OSBPL3: variants seen among roughly 807,000 people sequenced by gnomAD.
OSBPL3 encodes the protein oxysterol-binding protein-related protein 3.
In OSBPL3, 65 loss-of-function variants were observed where a neutral mutation model predicts 120.1. That is an observed-to-expected ratio of 0.54 (90% CI 0.44 to 0.67). OSBPL3 has a LOEUF of 0.67. OSBPL3 is among the 30% of genes least tolerant of loss of function. The pLI is 0.00. For synonymous variants in OSBPL3, 416 were observed against 402.6 expected, an observed-to-expected ratio of 1.03 and a Z score of -0.40; for missense variants, 1,004 against 1,082.1, an observed-to-expected ratio of 0.93 and a Z score of 1.01.
rs74501724 is a variant in OSBPL3, at chr7:24,832,983, C to T, written c.1746+1503G>A. On this transcript the variant is annotated intron_variant, in intron 15 of 22. Transcript: ENST00000313367. ...AATATCCTAAGGGTCTCTAAATTGCCACAGCATGAAACATCTTTAAGAAAC... is the reference window on the plus strand; with the variant it reads ...AATATCCTAAGGGTCTCTAAATTGCTACAGCATGAAACATCTTTAAGAAAC... Among the ~76,000 whole-genome samples, 672 of 152,288 alleles carry T rather than the reference C, an allele frequency of 4.4e-3. 4 individuals are homozygous for T. Among genetic ancestry groups the T allele is most frequent in the Non-Finnish European group, 7.6e-3 (517 of 68,024 alleles).
chr7:24,941,137 G>A (rs1813060600), intron 1 of OSBPL3, among the ~76,000 whole-genome samples: 1 of 152,116 alleles, frequency 6.6e-6, no homozygotes, highest in South Asian at 2.1e-4. Flanking sequence ...TTTCTTTTAA[G>A]GAGAATTCTA....
intron 10 of OSBPL3, 118 bp downstream of exon 10, chr7:24,861,494 TA>T: frequency 1.6e-6 from 1 of 626,474 alleles, no homozygotes; most frequent in Non-Finnish European, 2.6e-6. Context: ...TAGGTTTCCC[TA>T]AATCTTAATA....
chr7:24,914,157 T>C (rs1200333194), intron 1 of OSBPL3, among the ~76,000 whole-genome samples: 1 of 151,656 alleles, frequency 6.6e-6, no homozygotes, highest in Non-Finnish European at 1.5e-5. Context: ...TGATTGAAAG[T>C]AGAGGTAACA....
rs554000259 is a variant in OSBPL3 at position 24,890,640 on chromosome 7, T to A, written c.96+1737A>T. ...AACTAACTTCAGGCTGAAGTTAAAA[T>A]AAACTTAATAAATTCTCCACCTTCT... is the stretch of plus-strand genomic sequence containing the variant. On this transcript the variant is annotated intron_variant, in intron 2 of 22. Transcript: ENST00000313367. Among the ~76,000 whole-genome samples, 4 of 152,312 alleles carry A rather than the reference T, an allele frequency of 2.6e-5. No homozygotes were observed. The East Asian group carries it at 7.7e-4, about 29-fold the overall frequency.
At position 24,831,967 on chromosome 7, in the gene OSBPL3, C is replaced by T. The variant is rs1277412235; in HGVS notation, c.1747-1062G>A. Reference sequence around the variant, plus strand: ...CTGTAATCCCAGCACTTTGGGAGACCGAGGCAGGTGGATCTGCTTGAGCCC... The same window carrying T: ...CTGTAATCCCAGCACTTTGGGAGACTGAGGCAGGTGGATCTGCTTGAGCCC... On this transcript the variant is annotated intron_variant, in intron 15 of 22. Coordinates refer to ENST00000313367, the MANE Select transcript of OSBPL3 (RefSeq NM_015550.4). This position sits in a 1 kb window ranked among gnomAD's most constrained non-coding sequence, Gnocchi z 4.0. Among the ~76,000 whole-genome samples, 17 of 151,396 alleles carry T rather than the reference C, an allele frequency of 1.1e-4. No individual in the cohort carries two copies. Among genetic ancestry groups the T allele is most frequent in the African/African-American group, 3.9e-4 (16 of 41,198 alleles).
rs1813737567 is a variant in OSBPL3 at position 24,946,407 on chromosome 7, A to G, written c.-150+33479T>C. ...AAGGGTACACAGACCTCACCTATCA[A>G]TGAAAGAACTTCTGGTCAGTTTTTA... On this transcript the variant is annotated intron_variant, in intron 1 of 22. Coordinates refer to ENST00000313367, the MANE Select transcript of OSBPL3 (RefSeq NM_015550.4). The surrounding 1 kb of genome is among the most constrained non-coding windows in gnomAD (Gnocchi z 4.3). Among the ~76,000 whole-genome samples the G allele has an allele frequency of 6.6e-6, 1 of 152,174 alleles. No individual in the cohort carries two copies. The highest frequency in any genetic ancestry group is 6.5e-5 in the Admixed American group (1 of 15,270).
At chr7:24,887,348 T>C (rs183138458) in intron 2 of OSBPL3, among the ~76,000 whole-genome samples, 89 of 152,314 alleles carry the variant, frequency 5.8e-4, no homozygotes, top group South Asian at 1.7e-3. Context: ...TGAAAAGTGA[T>C]CTACTTCAAA....
chr7:24,915,166 T>C (rs1584606965), intron 1 of OSBPL3, among the ~76,000 whole-genome samples: 1 of 152,178 alleles, frequency 6.6e-6, no homozygotes, highest in Non-Finnish European at 1.5e-5. Context: ...TCCACAAAGC[T>C]ACCCAATAAT....
chr7:24,970,971 A>G (rs1049554290), intron 1 of OSBPL3, among the ~76,000 whole-genome samples: 1 of 152,196 alleles, frequency 6.6e-6, no homozygotes, highest in Non-Finnish European at 1.5e-5. Context: ...CCTTTAGAAA[A>G]CCGGGGCAAA....
chr7:24,981,665 C>G (rs977840197), upstream of OSBPL3: 3 of 152,694 alleles, frequency 2.0e-5, no homozygotes, highest in Non-Finnish European at 4.4e-5. The surrounding 1 kb of genome is among the most constrained non-coding windows in gnomAD (Gnocchi z 7.3). Flanking sequence ...TGGCAGGCGG[C>G]GGGCGAGGGC....
Position 24,925,767 on chromosome 7 carries a change from G to T in OSBPL3, c.-149-33146C>A, listed in dbSNP as rs114503947. Among the ~76,000 whole-genome samples, 546 of 152,328 alleles carry T rather than the reference G, an allele frequency of 3.6e-3. 3 individuals carry two copies. The highest frequency in any genetic ancestry group is 0.012 in the African/African-American group (513 of 41,562). On this transcript the variant is annotated intron_variant, in intron 1 of 22. Coordinates refer to ENST00000313367, the MANE Select transcript of OSBPL3 (RefSeq NM_015550.4). ...TAAAGAGATAGGTCCTACTGATGGT[G>T]TATTCAAAGCAAGCTTTCTCCTTTA...
chr7:24,961,399 G>C (rs2128516421), intron 1 of OSBPL3, among the ~76,000 whole-genome samples: 1 of 152,222 alleles, frequency 6.6e-6, no homozygotes. Context: ...GTCCTGCTAT[G>C]GTCTGAATGT....
At chr7:24,945,058 T>C (rs2128488675) in intron 1 of OSBPL3, among the ~76,000 whole-genome samples, 1 of 152,334 alleles carries the variant, frequency 6.6e-6, no homozygotes, top group East Asian at 1.9e-4. Flanking sequence ...ATTTGATTAC[T>C]TGAGTATCAA....
rs1032249732 is a variant in OSBPL3 at position 24,968,749 on chromosome 7, T to G, written c.-150+11137A>C. The stretch of plus-strand genomic sequence containing the variant: ...ATATATGCATGAATATATGTCCATG[T>G]GTATATGCATACTTTCATATAAAAT... On this transcript the variant is annotated intron_variant, in intron 1 of 22. Transcript: ENST00000313367. This position sits in a 1 kb window ranked among gnomAD's most constrained non-coding sequence, Gnocchi z 4.6. Among the ~76,000 whole-genome samples the G allele has an allele frequency of 6.6e-6, 1 of 152,212 alleles. No individual in the cohort carries two copies. Among genetic ancestry groups the G allele is most frequent in the Non-Finnish European group, 1.5e-5 (1 of 68,034 alleles).
Position 24,855,927 on chromosome 7 carries a change from C to T in OSBPL3, c.1028-3293G>A, listed in dbSNP as rs1799786320. ...ACCCCACAACACGACCAACTCTTCA[C>T]ATCTCCAGCTTCCCCGCCAAATGGT... On this transcript the variant is annotated intron_variant, in intron 10 of 22. Transcript: ENST00000313367. The surrounding 1 kb of genome is among the most constrained non-coding windows in gnomAD (Gnocchi z 4.3). Among the ~76,000 whole-genome samples the T allele has an allele frequency of 6.6e-6, 1 of 152,208 alleles. No homozygotes were observed. Among genetic ancestry groups the T allele is most frequent in the Admixed American group, 6.5e-5 (1 of 15,286 alleles).
rs183334887 is a variant in OSBPL3 at position 24,806,697 on chromosome 7, G to C, written c.2444+79C>G. On this transcript the variant is annotated intron_variant, in intron 21 of 22. Coordinates refer to ENST00000313367, the MANE Select transcript of OSBPL3 (RefSeq NM_015550.4). The surrounding 1 kb of genome is among the most constrained non-coding windows in gnomAD (Gnocchi z 5.2). The stretch of plus-strand genomic sequence containing the variant: ...TTTCCACCTTTCTCAGGTGCCTCTG[G>C]TGGCCTAAGGATTGTTAATAAGACT... 9.0e-6 allele frequency: 12 copies of C among 1,337,970 alleles called. No homozygotes were observed. The Admixed American group carries it at 2.6e-4, about 29-fold the overall frequency. 82.9% of individuals were successfully genotyped at this position (1,337,970 alleles called of 1,614,324 possible). A position where few individuals can be genotyped will look rare whatever the true frequency, so the allele number is the denominator to read the frequency against.
intron 1 of OSBPL3, among the ~76,000 whole-genome samples, chr7:24,934,495 A>G (rs892009949): frequency 1.3e-5 from 2 of 152,192 alleles, no homozygotes; most frequent in Non-Finnish European, 2.9e-5. Flanking sequence ...TATCAAAAAC[A>G]TATCTATCTT....
At chr7:24,857,321 G>C (rs1400400674) in intron 10 of OSBPL3, among the ~76,000 whole-genome samples, 2 of 152,134 alleles carry the variant, frequency 1.3e-5, no homozygotes, top group African/African-American at 4.8e-5. Context: ...ACAGATATCC[G>C]CTTCCATTCA....
chr7:24,974,366 T>C (rs1046737448), intron 1 of OSBPL3, among the ~76,000 whole-genome samples: 1 of 152,218 alleles, frequency 6.6e-6, no homozygotes. Context: ...AATCAGTAGG[T>C]AAACCATCAA....
Sources: gnomAD v4.1 joint callset for allele counts (sites outside exome capture counted in the v4.1 genomes callset) on GRCh38, gnomAD v4.1.1 for gene constraint, Gnocchi (gnomAD v3.1) non-coding constraint, MANE v1.5 for transcripts, NCBI Gene and HGNC (gene_info 2026-07-23, HGNC 2026-07-21) for gene names.